Variants in LRSAM1 observed in about 807,000 individuals in gnomAD.
LRSAM1 encodes E3 ubiquitin-protein ligase LRSAM1.
A neutral mutation model predicts 118.1 loss-of-function variants in LRSAM1; 96 were observed. The ratio of observed to expected loss-of-function variants is 0.81; its 90% confidence interval spans 0.69 to 0.96. The LOEUF (loss-of-function observed/expected upper bound fraction) is 0.96. Ranked by LOEUF, LRSAM1 falls within the 40% of genes least tolerant of loss-of-function variation. LRSAM1 has a pLI of 0.00. For missense variants in LRSAM1, 804 were observed against 915.5 expected, an observed-to-expected ratio of 0.88 and a Z score of 1.57; for synonymous variants, 322 against 364.2, an observed-to-expected ratio of 0.88 and a Z score of 1.32.
intron 10 of LRSAM1, among the ~76,000 whole-genome samples, chr9:127,468,411 G>C (rs971712285): frequency 1.3e-5 from 2 of 152,198 alleles, no homozygotes; most frequent in African/African-American, 4.8e-5. Flanking sequence ...CTAAAACCCG[G>C]AGCCAGCACT....
intron 7 of LRSAM1, among the ~76,000 whole-genome samples, chr9:127,459,335 C>T (rs1000297195): frequency 2.0e-5 from 3 of 151,494 alleles, no homozygotes; most frequent in Non-Finnish European, 4.4e-5. Flanking sequence ...TCTCCTGCCT[C>T]AGCCTCCCTA....
chr9:127,467,791 G>T lies in LRSAM1; in HGVS notation c.580G>T (p.Gly194Cys). The change falls in exon 10 of 26, where the codon GGT becomes TGT. Residue 194 changes from glycine to cysteine, a missense_variant. Physicochemically the swap from Gly to Cys is radical, Grantham distance 159. Coordinates refer to ENST00000300417, the MANE Select transcript of LRSAM1 (RefSeq NM_001005373.4). ...AMVYPPREVCGAGTAAILQFL... is the reference protein window; with the variant it reads ...AMVYPPREVCCAGTAAILQFL... The stretch of plus-strand genomic sequence containing the variant: ...GGTCTACCCGCCGCGGGAGGTGTGT[G>T]GTGCCGGCACTGCGGCCATCTTGCA... 1 of 1,609,636 alleles carries T rather than the reference G, an allele frequency of 6.2e-7. No individual in the cohort carries two copies.
intron 19 of LRSAM1, 70 bp from the exon 20 acceptor site, chr9:127,491,145 A>T: frequency 7.5e-7 from 1 of 1,326,722 alleles, no homozygotes; most frequent in Non-Finnish European, 1.1e-6. Flanking sequence ...TGGTCACCAG[A>T]GAGTAGCAGC....
chr9:127,459,135 C>T, intron 7 of LRSAM1, 64 bp downstream of exon 7: 1 of 1,514,660 alleles, frequency 6.6e-7, no homozygotes, highest in Non-Finnish European at 9.1e-7. Context: ...GTCACTCAAG[C>T]CTGGAATGTT....
At chr9:127,466,710 A>G (rs1834965576) in intron 9 of LRSAM1, among the ~76,000 whole-genome samples, 1 of 151,020 alleles carries the variant, frequency 6.6e-6, no homozygotes, top group Admixed American at 6.6e-5. Context: ...TCACTTATGT[A>G]TTTATCCAAA....
intron 10 of LRSAM1, among the ~76,000 whole-genome samples, chr9:127,469,834 G>A (rs903584302): frequency 1.4e-4 from 21 of 151,916 alleles, no homozygotes; most frequent in Admixed American, 3.9e-4. Context: ...GCGTGGTGGC[G>A]GGCGCCTGTA....
Position 127,457,299 on chromosome 9 carries a change from C to T in LRSAM1, c.175-17C>T, listed in dbSNP as rs1434972598. The T allele has an allele frequency of 2.5e-6, 4 of 1,613,782 alleles. No homozygotes were observed. Among genetic ancestry groups the T allele is most frequent in the South Asian group, 1.1e-5 (1 of 91,088 alleles). On this transcript the variant is annotated splice_polypyrimidine_tract_variant and intron_variant, in intron 5 of 25. Transcript: ENST00000300417. ...GCTCTTCCTCAGCCCAGCATGGCCG[C>T]ACATCTCTCCACACAGGTGCTGATC...
chr9:127,492,763 G>A (rs755857174), intron 20 of LRSAM1, 39 bp from the exon 21 acceptor site: 26 of 1,596,412 alleles, frequency 1.6e-5, no homozygotes, highest in Non-Finnish European at 2.1e-5. Flanking sequence ...CTGCGCTGCC[G>A]CCAGCTCACG....
At chr9:127,471,647 C>T (rs1006878942) in intron 10 of LRSAM1, among the ~76,000 whole-genome samples, 5 of 150,694 alleles carry the variant, frequency 3.3e-5, no homozygotes, top group East Asian at 2.0e-4. Context: ...ACTAGCCAGG[C>T]GTGGTGATGC....
intron 10 of LRSAM1, among the ~76,000 whole-genome samples, chr9:127,471,751 C>T (rs1374029881): frequency 6.6e-6 from 1 of 151,540 alleles, no homozygotes; most frequent in African/African-American, 2.4e-5. Context: ...CTCGCCACTG[C>T]ACTCCAGCCT....
chr9:127,496,793 G>A (rs1836163072), intron 23 of LRSAM1, among the ~76,000 whole-genome samples: 1 of 152,172 alleles, frequency 6.6e-6, no homozygotes, highest in Non-Finnish European at 1.5e-5. Context: ...GGGTCCAAGA[G>A]GACTGGATGG....
At chr9:127,479,317 C>T (rs1835444423) in intron 12 of LRSAM1, 66 bp from the exon 13 acceptor site, 1 of 1,612,324 alleles carries the variant, frequency 6.2e-7, no homozygotes, top group Admixed American at 1.7e-5. Flanking sequence ...GGTGGATTCT[C>T]CCGACTTCTG....
intron 22 of LRSAM1, among the ~76,000 whole-genome samples, 171 bp from the exon 23 acceptor site, chr9:127,495,793 C>G (rs566634797): frequency 6.6e-6 from 1 of 152,322 alleles, no homozygotes; most frequent in South Asian, 2.1e-4. Flanking sequence ...CAGTGAACCC[C>G]TGGGCCTATC....
chr9:127,457,955 A>C (rs1227208111), intron 6 of LRSAM1, among the ~76,000 whole-genome samples: 1 of 147,306 alleles, frequency 6.8e-6, no homozygotes, highest in East Asian at 1.9e-4. Context: ...TGTTCACTAC[A>C]GATGCTTTCT....
intron 20 of LRSAM1, 103 bp downstream of exon 20, chr9:127,491,398 G>A (rs1835928445): frequency 1.1e-6 from 1 of 880,926 alleles, no homozygotes; most frequent in Non-Finnish European, 1.9e-6. Context: ...TGGGAGTCAA[G>A]GGCTTCCCCA....
At chr9:127,473,583 A>G (rs1835249957) in intron 10 of LRSAM1, among the ~76,000 whole-genome samples, 1 of 152,248 alleles carries the variant, frequency 6.6e-6, no homozygotes, top group Non-Finnish European at 1.5e-5. Flanking sequence ...AGGGGTAGCC[A>G]GTACCCATTG....
chr9:127,487,399 C>CG (rs760181103), intron 17 of LRSAM1: 79 of 399,840 alleles, frequency 2.0e-4, no homozygotes, highest in Non-Finnish European at 3.3e-4. Flanking sequence ...CATCCACTTC[C>CG]GGGGGGTGCT....
chr9:127,469,841 T>C (rs955481026), intron 10 of LRSAM1, among the ~76,000 whole-genome samples: 27 of 152,112 alleles, frequency 1.8e-4, no homozygotes, highest in Admixed American at 1.2e-3. Context: ...GGCGGGCGCC[T>C]GTAGTCCCAG....
At chr9:127,491,142 C>G in intron 19 of LRSAM1, 73 bp from the exon 20 acceptor site, 2 of 1,311,540 alleles carry the variant, frequency 1.5e-6, no homozygotes, top group Admixed American at 3.4e-5. Flanking sequence ...ACTTGGTCAC[C>G]AGAGAGTAGC....
Sources: allele counts gnomAD v4.1 joint callset (sites outside exome capture counted in the v4.1 genomes callset), GRCh38; gene constraint gnomAD v4.1.1; transcripts MANE v1.5; gene names NCBI Gene and HGNC (gene_info 2026-07-23, HGNC 2026-07-21).